Variants in FBH1 observed in about 807,000 individuals in gnomAD.
FBH1 encodes DNA 3'-5' helicase 1.
FBH1 carries 43 observed loss-of-function variants against 115.5 expected under a neutral mutation model. The ratio of observed to expected loss-of-function variants is 0.37; its 90% CI spans 0.29 to 0.48. FBH1 has a LOEUF of 0.48. Among genes scored for constraint, FBH1 ranks in the 20% least tolerant of loss-of-function variants. FBH1 has a pLI of 0.99. For missense variants in FBH1, 1,001 were observed against 1,337.3 expected, an observed-to-expected ratio of 0.75 and a Z score of 3.92; for synonymous variants, 524 against 507.8, an observed-to-expected ratio of 1.03 and a Z score of -0.43.
chr10:5,891,155 T>C (rs925879391), intron 1 of FBH1: 1 of 985,708 alleles, frequency 1.0e-6, no homozygotes, highest in Non-Finnish European at 1.2e-6. Context: ...GTAGCATGTG[T>C]TGAGTGTCCG....
chr10:5,903,014 A>G lies in FBH1; in HGVS notation c.2-6A>G, dbSNP rs746503626. On this transcript the variant is annotated splice_region_variant and splice_polypyrimidine_tract_variant and intron_variant, in intron 1 of 20. Coordinates refer to ENST00000362091, the MANE Select transcript of FBH1 (RefSeq NM_178150.3). ...CCCCTTTCTTCTACCTGCTGGTATG[A>G]AACAGTGAGACGGTTTAAGCGGAAG... 6.9e-6 allele frequency: 11 copies of G among 1,604,338 alleles called. No individual in the cohort carries two copies. Among genetic ancestry groups the G allele is most frequent in the African/African-American group, 1.3e-5 (1 of 74,728 alleles).
At position 5,910,658 on chromosome 10, in the gene FBH1, G is replaced by A. The variant is rs1831524596; in HGVS notation, c.1021-280G>A. ...AGATGACAGGGAGCTCATATTTTTA[G>A]ACTGTCTCTCTGTCCAAGGTTCTAT... On this transcript the variant is annotated intron_variant, in intron 5 of 20. Transcript: ENST00000362091. The surrounding 1 kb of genome is among the most constrained non-coding windows in gnomAD (Gnocchi z 4.8). 3.3e-5 allele frequency among the ~76,000 whole-genome samples: 5 copies of A among 152,118 alleles called. No individual in the cohort carries two copies.
intron 1 of FBH1, among the ~76,000 whole-genome samples, chr10:5,901,153 C>T (rs969011188): frequency 6.6e-6 from 1 of 152,038 alleles, no homozygotes; most frequent in East Asian, 1.9e-4. Context: ...CATTTGATAC[C>T]ATAGTTTAGT....
intron 3 of FBH1, among the ~76,000 whole-genome samples, chr10:5,907,175 A>G (rs1312768454): frequency 1.3e-5 from 2 of 149,750 alleles, no homozygotes; most frequent in African/African-American, 2.4e-5. Context: ...GTTGGCCAGG[A>G]TGGTCTCTGA....
Position 5,914,156 on chromosome 10 carries a change from T to G in FBH1, c.1305-22T>G. ...TTTCACGTCTTTCTGTTTTTCTTAC[T>G]TCTCTTTTGTAATGATTATAGCAAG... On this transcript the variant is annotated intron_variant, in intron 7 of 20. Coordinates refer to ENST00000362091, the MANE Select transcript of FBH1 (RefSeq NM_178150.3). This position sits in a 1 kb window ranked among gnomAD's most constrained non-coding sequence, Gnocchi z 5.2. 6.2e-7 allele frequency: 1 copy of G among 1,610,070 alleles called. No individual in the cohort carries two copies. The highest frequency in any genetic ancestry group is 1.1e-5 in the South Asian group (1 of 90,984).
Position 5,917,386 on chromosome 10 carries a change from C to CAA in FBH1, c.1789-32_1789-31dup, listed in dbSNP as rs781247484. The CAA allele has an allele frequency of 6.3e-7, 1 of 1,592,696 alleles. No individual in the cohort carries two copies. Among genetic ancestry groups the CAA allele is most frequent in the Non-Finnish European group, 8.6e-7 (1 of 1,162,012 alleles). ...CAGGGTGCTGCCTTTGCCAGGGTCT[C>CAA]AAACTCTGGGTTACCATATGCTTTA... On this transcript the variant is annotated intron_variant, in intron 10 of 20. Coordinates refer to ENST00000362091, the MANE Select transcript of FBH1 (RefSeq NM_178150.3). This position sits in a 1 kb window ranked among gnomAD's most constrained non-coding sequence, Gnocchi z 5.6.
At position 5,913,499 on chromosome 10, in the gene FBH1, G is replaced by T. The variant is rs750899993; in HGVS notation, c.1212-248G>T. On this transcript the variant is annotated intron_variant, in intron 6 of 20. Coordinates refer to ENST00000362091, the MANE Select transcript of FBH1 (RefSeq NM_178150.3). This position sits in a 1 kb window ranked among gnomAD's most constrained non-coding sequence, Gnocchi z 4.4. The stretch of plus-strand genomic sequence containing the variant: ...GCTGGCGCCCCTCATTCCCTGAAGA[G>T]CCCGTCCTGGTCTCTTCCTCCTCTT... Among the ~76,000 whole-genome samples, 11 of 152,106 alleles carry T rather than the reference G, an allele frequency of 7.2e-5. No homozygotes were observed. Among genetic ancestry groups the T allele is most frequent in the Non-Finnish European group, 1.3e-4 (9 of 68,018 alleles).
chr10:5,924,108 T>C lies in FBH1; in HGVS notation c.2399-203T>C. 1.7e-6 allele frequency: 1 copy of C among 599,278 alleles called. No homozygotes were observed. Among genetic ancestry groups the C allele is most frequent in the South Asian group, 2.1e-5 (1 of 48,468 alleles). The allele number at this position is 599,278 out of a possible 1,614,324, so 37.1% of individuals were successfully genotyped here. A position where few individuals can be genotyped will look rare whatever the true frequency, so the allele number is the denominator to read the frequency against. On this transcript the variant is annotated intron_variant, in intron 16 of 20. Transcript: ENST00000362091. This position sits in a 1 kb window ranked among gnomAD's most constrained non-coding sequence, Gnocchi z 6.2. ...GATCTTGAGCCGAGGGCTTTGCTCC[T>C]CAGTCGGAGACGGAGAGGCTACTGC... is the stretch of plus-strand genomic sequence containing the variant.
rs1842943711 is a variant in FBH1, at chr10:5,895,259, C to T, written c.1+4913C>T. 6.7e-7 allele frequency: 1 copy of T among 1,498,714 alleles called. No homozygotes were observed. The highest frequency in any genetic ancestry group is 1.4e-5 in the African/African-American group (1 of 71,852). 92.8% of individuals were successfully genotyped at this position (1,498,714 alleles called of 1,614,324 possible). On this transcript the variant is annotated intron_variant, in intron 1 of 20. Coordinates refer to ENST00000362091, the MANE Select transcript of FBH1 (RefSeq NM_178150.3). The surrounding 1 kb of genome is among the most constrained non-coding windows in gnomAD (Gnocchi z 5.0). ...AATTGTCCAGATTAGCAAAACTGCC[C>T]TCTGTGGATCTTTGTTAAAGTTGGG...
In FBH1 at chr10:5,923,013, G is replaced by C. The variant is rs1488218627; in HGVS notation, c.2323-608G>C. Among the ~76,000 whole-genome samples, 1 of 152,106 alleles carries C rather than the reference G, an allele frequency of 6.6e-6. No individual in the cohort carries two copies. The highest frequency in any genetic ancestry group is 2.4e-5 in the African/African-American group (1 of 41,398). On this transcript the variant is annotated intron_variant, in intron 15 of 20. Transcript: ENST00000362091. The surrounding 1 kb of genome is among the most constrained non-coding windows in gnomAD (Gnocchi z 5.7). ...TTCTCGTGCCTCGGCCTCCTGACTA[G>C]CTGGGACCATAGGCGCCTGCCACCA... is the stretch of plus-strand genomic sequence containing the variant.
chr10:5,937,021 C>A, intron 20 of FBH1, 89 bp from the exon 21 acceptor site: 1 of 1,406,500 alleles, frequency 7.1e-7, no homozygotes. Flanking sequence ...TGTCCCTGGG[C>A]AGCTGTGATG....
rs539305267 is a variant in FBH1 at position 5,923,751 on chromosome 10, C to T, written c.2398+55C>T. On this transcript the variant is annotated intron_variant, in intron 16 of 20. Transcript: ENST00000362091. The surrounding 1 kb of genome is among the most constrained non-coding windows in gnomAD (Gnocchi z 5.7). The stretch of plus-strand genomic sequence containing the variant: ...GAAGGACGCACCCAAGTGACAGGGA[C>T]GAGAAAGAAGCAGGCCCAGTCTGAG... The T allele has an allele frequency of 2.9e-5, 44 of 1,515,020 alleles. No individual in the cohort carries two copies. Among genetic ancestry groups the T allele is most frequent in the Non-Finnish European group, 3.6e-5 (39 of 1,095,320 alleles). The allele number at this position is 1,515,020 out of a possible 1,614,324, so 93.8% of individuals were successfully genotyped here.
intron 1 of FBH1, among the ~76,000 whole-genome samples, chr10:5,894,863 AATTAAAAACAATAATTC>A (rs1425017289): frequency 6.6e-6 from 1 of 152,244 alleles, no homozygotes; most frequent in East Asian, 1.9e-4. Flanking sequence ...AATACAGTGC[AATTAAAAACAATAATTC>A]ATATAAGACA....
intron 2 of FBH1, among the ~76,000 whole-genome samples, chr10:5,904,689 C>T (rs76054567): frequency 0.056 from 8,445 of 152,046 alleles, 329 homozygotes; most frequent in Non-Finnish European, 0.082. Flanking sequence ...AATGAGACCC[C>T]GTCTCTATTT....
In FBH1 at chr10:5,936,568, A is replaced by G; in HGVS notation, c.2942A>G (p.Lys981Arg). The part of the protein sequence containing the change: ...AIPVDTVLTM[K>R]KLPITYSNRK... ...CCTGTTGACACCGTCCTTACCATGA[A>G]GAAGCTGCCCATCACCTATGTACGT... The change falls in exon 20 of 21, where the codon AAG becomes AGG. Residue 981 changes from lysine (K) to arginine (R), a missense_variant. Lys to Arg is a conservative substitution (Grantham distance 26, BLOSUM62 2). This residue lies in a region of FBH1 where 521 missense variants were observed against 811.0 expected (regional missense o/e 0.64). Transcript: ENST00000362091. The surrounding 1 kb of genome is among the most constrained non-coding windows in gnomAD (Gnocchi z 5.6). The G allele has an allele frequency of 6.2e-7, 1 of 1,614,160 alleles. No homozygotes were observed. The highest frequency in any genetic ancestry group is 8.5e-7 in the Non-Finnish European group (1 of 1,179,996).
At position 5,913,677 on chromosome 10, in the gene FBH1, C is replaced by T; in HGVS notation, c.1212-70C>T. On this transcript the variant is annotated intron_variant, in intron 6 of 20. Coordinates refer to ENST00000362091, the MANE Select transcript of FBH1 (RefSeq NM_178150.3). The surrounding 1 kb of genome is among the most constrained non-coding windows in gnomAD (Gnocchi z 4.4). Reference sequence around the variant, plus strand: ...GAAATGGGAAGGAGTTTAAATCCATCTGAGGAAAAATAAGATGCAGATTGT... The same window carrying T: ...GAAATGGGAAGGAGTTTAAATCCATTTGAGGAAAAATAAGATGCAGATTGT... 9.1e-7 allele frequency: 1 copy of T among 1,092,986 alleles called. No homozygotes were observed. Among genetic ancestry groups the T allele is most frequent in the Non-Finnish European group, 1.3e-6 (1 of 767,828 alleles). The allele number at this position is 1,092,986 out of a possible 1,614,324, so 67.7% of individuals were successfully genotyped here.
intron 1 of FBH1, among the ~76,000 whole-genome samples, chr10:5,899,999 G>C (rs1156505913): frequency 6.6e-6 from 1 of 152,174 alleles, no homozygotes. Flanking sequence ...TACAGAACCA[G>C]CACAAACCAG....
chr10:5,890,137 C>T (rs140731596), upstream of FBH1: 3,326 of 325,934 alleles, frequency 0.01, 92 homozygotes, highest in African/African-American at 0.068. Context: ...GTCTCGCGTC[C>T]CGATTGGTCG....
intron 3 of FBH1, 104 bp from the exon 4 acceptor site, chr10:5,908,821 T>A (rs1028298340): frequency 1.3e-5 from 17 of 1,289,646 alleles, no homozygotes; most frequent in Non-Finnish European, 1.5e-5. Flanking sequence ...ATGTTGGCCA[T>A]GCTAGTCTCA....
Sources: allele counts gnomAD v4.1 joint callset (sites outside exome capture counted in the v4.1 genomes callset), GRCh38; gene constraint gnomAD v4.1.1; regional missense constraint gnomAD v4.1.1; non-coding constraint Gnocchi (gnomAD v3.1); transcripts MANE v1.5; gene names NCBI Gene and HGNC (gene_info 2026-07-23, HGNC 2026-07-21).